Variants in MSRA observed in about 807,000 individuals in gnomAD.
MSRA encodes mitochondrial peptide methionine sulfoxide reductase.
MSRA carries 54 observed loss-of-function variants against 31.3 expected under a neutral mutation model. The ratio of observed to expected loss-of-function variants is 1.73; its 90% CI spans 1.39 to 2.17. MSRA has a LOEUF of 2.17. Ranked by LOEUF, MSRA falls within the 30% of genes most tolerant of loss-of-function variation. MSRA has a pLI of 0.00. For synonymous variants in MSRA, 169 were observed against 116.5 expected, an observed-to-expected ratio of 1.45 and a Z score of -2.90; for missense variants, 507 against 300.9, an observed-to-expected ratio of 1.69 and a Z score of -5.07.
chr8:10,208,893 C>A (rs905503409), intron 2 of MSRA, among the ~76,000 whole-genome samples: 4 of 152,318 alleles, frequency 2.6e-5, no homozygotes, highest in African/African-American at 9.6e-5. Context: ...TGCGTTTGAA[C>A]TGGAAATTAG....
At chr8:10,308,158 G>A (rs1801239492) in intron 4 of MSRA, among the ~76,000 whole-genome samples, 1 of 152,192 alleles carries the variant, frequency 6.6e-6, no homozygotes, top group Non-Finnish European at 1.5e-5. Context: ...CTTGTTTAAA[G>A]TACTGCTATT....
chr8:10,414,365 C>G (rs1465814012), intron 5 of MSRA, among the ~76,000 whole-genome samples: 1 of 152,148 alleles, frequency 6.6e-6, no homozygotes, highest in African/African-American at 2.4e-5. Context: ...ATGAGTGAAA[C>G]AAACTATCCA....
At chr8:10,349,384 A>T (rs1272764086) in intron 5 of MSRA, among the ~76,000 whole-genome samples, 1 of 151,912 alleles carries the variant, frequency 6.6e-6, no homozygotes, top group Non-Finnish European at 1.5e-5. Flanking sequence ...CGGCCTGCAC[A>T]CGTACCGTTG....
At chr8:10,117,877 C>G (rs903965415) in intron 1 of MSRA, among the ~76,000 whole-genome samples, 2 of 152,186 alleles carry the variant, frequency 1.3e-5, no homozygotes, top group South Asian at 2.1e-4. Context: ...GAAGAAAAAT[C>G]CTGGGTCCCA....
chr8:10,148,428 C>G (rs1391557784), intron 1 of MSRA, among the ~76,000 whole-genome samples: 1 of 151,720 alleles, frequency 6.6e-6, no homozygotes, highest in Non-Finnish European at 1.5e-5. Flanking sequence ...AGGCAGATCA[C>G]TTGAGGTCAA....
intron 1 of MSRA, among the ~76,000 whole-genome samples, chr8:10,119,540 G>A (rs775130498): frequency 3.9e-5 from 6 of 152,184 alleles, no homozygotes; most frequent in African/African-American, 7.2e-5. Flanking sequence ...TATTTGGTTC[G>A]CTGATCAGCA....
chr8:10,060,374 A>G (rs1318381343), intron 1 of MSRA, among the ~76,000 whole-genome samples: 1 of 152,254 alleles, frequency 6.6e-6, no homozygotes, highest in Non-Finnish European at 1.5e-5. Context: ...GTATATATAC[A>G]GTATGCTAAC....
At chr8:10,342,508 C>T (rs1803490257) in intron 5 of MSRA, among the ~76,000 whole-genome samples, 1 of 152,132 alleles carries the variant, frequency 6.6e-6, no homozygotes, top group Non-Finnish European at 1.5e-5. Context: ...TCTGGAGTTC[C>T]CCGGGGGCCT....
intron 5 of MSRA, among the ~76,000 whole-genome samples, chr8:10,418,019 A>C (rs909363611): frequency 1.3e-5 from 2 of 152,158 alleles, no homozygotes; most frequent in East Asian, 1.9e-4. Context: ...AGCAGCTTCA[A>C]GTTGACCTCT....
chr8:10,142,714 A>G (rs2129031882), intron 1 of MSRA, among the ~76,000 whole-genome samples: 1 of 152,288 alleles, frequency 6.6e-6, no homozygotes, highest in Non-Finnish European at 1.5e-5. Flanking sequence ...GTGATGCTTA[A>G]ATGTAGTAGA....
intron 1 of MSRA, among the ~76,000 whole-genome samples, chr8:10,066,411 A>G (rs1186711415): frequency 6.6e-6 from 1 of 152,252 alleles, no homozygotes; most frequent in Non-Finnish European, 1.5e-5. Flanking sequence ...CTCTGTATTC[A>G]TAAAATCATA....
intron 1 of MSRA, among the ~76,000 whole-genome samples, chr8:10,085,546 C>T (rs532092944): frequency 2.0e-5 from 3 of 152,172 alleles, no homozygotes; most frequent in African/African-American, 7.2e-5. Flanking sequence ...AGGCATGATA[C>T]GGTACCTTGG....
At chr8:10,186,593 G>A (rs749446951) in intron 1 of MSRA, among the ~76,000 whole-genome samples, 36 of 152,182 alleles carry the variant, frequency 2.4e-4, no homozygotes, top group Non-Finnish European at 3.2e-4. Context: ...ATAACTAATT[G>A]AGTAGTAATC....
chr8:10,277,205 A>G (rs1208218629), intron 3 of MSRA, among the ~76,000 whole-genome samples: 1 of 152,334 alleles, frequency 6.6e-6, no homozygotes, highest in South Asian at 2.1e-4. Flanking sequence ...TAAGACAGTA[A>G]TAATCTAAGT....
intron 1 of MSRA, among the ~76,000 whole-genome samples, chr8:10,146,610 G>T (rs1041950760): frequency 6.6e-6 from 1 of 152,112 alleles, no homozygotes; most frequent in South Asian, 2.1e-4. Flanking sequence ...ATGTGGCGGC[G>T]GTTGTACAAC....
chr8:10,257,900 C>G (rs1424709379), intron 3 of MSRA, among the ~76,000 whole-genome samples: 1 of 152,174 alleles, frequency 6.6e-6, no homozygotes, highest in Non-Finnish European at 1.5e-5. Flanking sequence ...GAGGTGAACA[C>G]CAGCATGTCT....
chr8:10,357,378 T>C (rs1353481596), intron 5 of MSRA, among the ~76,000 whole-genome samples: 2 of 152,354 alleles, frequency 1.3e-5, no homozygotes, highest in Middle Eastern at 3.4e-3. Flanking sequence ...TTTTCAGACA[T>C]TGACTTGGTT....
At chr8:10,370,962 T>G (rs1040340191) in intron 5 of MSRA, among the ~76,000 whole-genome samples, 3 of 152,144 alleles carry the variant, frequency 2.0e-5, no homozygotes, top group Non-Finnish European at 2.9e-5. Flanking sequence ...TGAGAAGACG[T>G]GTCTGAAGTG....
intron 5 of MSRA, among the ~76,000 whole-genome samples, chr8:10,360,145 G>A (rs950644815): frequency 6.6e-6 from 1 of 152,094 alleles, no homozygotes; most frequent in Non-Finnish European, 1.5e-5. Context: ...GCTGGAGTGA[G>A]CCAAGCTGCT....
Sources: gnomAD v4.1 joint callset for allele counts (sites outside exome capture counted in the v4.1 genomes callset) on GRCh38, gnomAD v4.1.1 for gene constraint, MANE v1.5 for transcripts, NCBI Gene and HGNC (gene_info 2026-07-23, HGNC 2026-07-21) for gene names.